Variants in FAM184A observed in about 807,000 individuals in gnomAD.
FAM184A encodes the protein protein FAM184A.
In FAM184A, 99 loss-of-function variants were observed where a neutral mutation model predicts 143.8. The observed-to-expected ratio is 0.69, with a 90% CI of 0.58 to 0.81. FAM184A has a LOEUF of 0.81. Among genes scored for constraint, FAM184A ranks in the 40% least tolerant of loss-of-function variants. The pLI is 0.00. For synonymous variants in FAM184A, 427 were observed against 446.4 expected (o/e 0.96, Z 0.55); for missense variants, 1,217 against 1,310.5 (o/e 0.93, Z 1.10).
chr6:119,032,199 G>A (rs568424820), intron 1 of FAM184A, among the ~76,000 whole-genome samples: 2 of 151,956 alleles, frequency 1.3e-5, no homozygotes, highest in East Asian at 1.9e-4. Context: ...TTGAACCTGA[G>A]AGGCGGAGGT....
rs1248142060 is a variant in FAM184A at position 119,024,037 on chromosome 6, T to C, written c.936A>G (p.Val312=). The C allele has an allele frequency of 1.2e-6, 2 of 1,614,000 alleles. No individual in the cohort carries two copies. Among genetic ancestry groups the C allele is most frequent in the East Asian group, 2.2e-5 (1 of 44,894 alleles). The stretch of plus-strand genomic sequence containing the variant: ...CAAGAAGACTTCCAGCTTCATCCTG[T>C]ACCATCTGTAACTCTGTCTTTAATT... The part of the protein sequence containing the change: ...IGKLKTELQM[V]QDEAGSLLDK... The change falls in exon 2 of 18, where the codon GTA becomes GTG. Residue 312 remains valine (V), a synonymous_variant. Transcript: ENST00000338891.
chr6:119,009,788 T>G (rs545432073), intron 6 of FAM184A, among the ~76,000 whole-genome samples: 1 of 152,348 alleles, frequency 6.6e-6, no homozygotes, highest in African/African-American at 2.4e-5. Flanking sequence ...GTAGGGACCA[T>G]GTCTGACTGA....
rs1336851825 is a variant in FAM184A, at chr6:118,984,155, A to AT, written c.2089-3806_2089-3805insA. On this transcript the variant is annotated intron_variant, in intron 9 of 17. Coordinates refer to ENST00000338891, the MANE Select transcript of FAM184A (RefSeq NM_024581.6). Reference sequence around the variant, plus strand: ...ATGATAACGAAACTCCATTTAAAAAAAAAATATATATATATATATATATTT... The same window carrying AT: ...ATGATAACGAAACTCCATTTAAAAAATAAAATATATATATATATATATATTT... Among the ~76,000 whole-genome samples, 661 of 123,970 alleles carry AT rather than the reference A, an allele frequency of 5.3e-3. 6 individuals carry two copies. The highest frequency in any genetic ancestry group is 8.2e-3 in the Admixed American group (99 of 12,070). The allele number at this position is 123,970 out of a possible 152,430, so 81.3% of individuals were successfully genotyped here. A position where few individuals can be genotyped will look rare whatever the true frequency, so the allele number is the denominator to read the frequency against.
chr6:119,037,028 T>A (rs370047487), intron 1 of FAM184A, among the ~76,000 whole-genome samples: 43 of 152,330 alleles, frequency 2.8e-4, no homozygotes, highest in African/African-American at 1.0e-3. Context: ...CCAATAATCC[T>A]GGACACTGAG....
intron 1 of FAM184A, among the ~76,000 whole-genome samples, chr6:119,034,664 T>C (rs1486018063): frequency 1.3e-5 from 2 of 151,954 alleles, no homozygotes; most frequent in South Asian, 2.1e-4. Flanking sequence ...CTAGAATGCA[T>C]ATATTTTTAT....
intron 5 of FAM184A, among the ~76,000 whole-genome samples, chr6:119,015,609 G>A (rs903215941): frequency 2.0e-5 from 3 of 152,164 alleles, no homozygotes; most frequent in Admixed American, 1.3e-4. Flanking sequence ...GCCTTCCCCC[G>A]CCTCCGTGGG....
chr6:119,128,275 T>A lies in FAM184A; in HGVS notation c.-202+20803A>T, dbSNP rs1385289855. Among the ~76,000 whole-genome samples, 10 of 152,330 alleles carry A rather than the reference T, an allele frequency of 6.6e-5. No homozygotes were observed. In the East Asian group the frequency reaches 1.9e-3, roughly 29 times the overall value. On this transcript the variant is annotated intron_variant, in intron 1 of 16. Coordinates refer to the FAM184A transcript ENST00000352896. ...CCGCAAAACCAAGAAGATGGTGGAC[T>A]AGTCACAAAGACCATCTTAAATTTT...
intron 1 of FAM184A, among the ~76,000 whole-genome samples, chr6:119,143,366 T>C (rs541916422): frequency 5.9e-5 from 9 of 152,310 alleles, no homozygotes; most frequent in African/African-American, 2.2e-4. Context: ...GAAGCCCACA[T>C]TGTCCTGTTC....
rs912083159 is a variant in FAM184A, at chr6:118,966,864, C to T, written c.3004G>A (p.Glu1002Lys). 1.9e-6 allele frequency: 3 copies of T among 1,592,752 alleles called. No individual in the cohort carries two copies. The African/African-American group carries it at 4.0e-5, about 21-fold the overall frequency. Residue 1002 changes from glutamate to lysine, a missense_variant, in exon 15 of 18, where the codon GAA becomes AAA. Coordinates refer to ENST00000338891, the MANE Select transcript of FAM184A (RefSeq NM_024581.6). ...MITELKAMLT[E>K]RDQIIKKLIE... ...AGTTTCTTTATGATCTGGTCTCTTT[C>T]TGTAAGCATGGCTTTTAATTCTGTA... is the stretch of plus-strand genomic sequence containing the variant.
intron 1 of FAM184A, among the ~76,000 whole-genome samples, chr6:119,054,477 C>A (rs1786885451): frequency 6.6e-6 from 1 of 152,122 alleles, no homozygotes; most frequent in Non-Finnish European, 1.5e-5. Context: ...CTCCCTTGGA[C>A]CTCTTTTATA....
intron 1 of FAM184A, among the ~76,000 whole-genome samples, chr6:119,063,666 G>C (rs1787339890): frequency 6.6e-6 from 1 of 152,118 alleles, no homozygotes; most frequent in Admixed American, 6.6e-5. Context: ...TGGCAAGGAT[G>C]AAATTAAACA....
chr6:119,099,710 G>A (rs1788593535), intron 1 of FAM184A, among the ~76,000 whole-genome samples: 1 of 152,128 alleles, frequency 6.6e-6, no homozygotes, highest in South Asian at 2.1e-4. Flanking sequence ...CAAGAGGACA[G>A]GTTATGGGGA....
At position 119,023,939 on chromosome 6, in the gene FAM184A, A is replaced by G. The variant is rs768659521; in HGVS notation, c.1014+20T>C. 1.3e-6 allele frequency: 2 copies of G among 1,534,944 alleles called. No individual in the cohort carries two copies. Among genetic ancestry groups the G allele is most frequent in the South Asian group, 2.7e-5 (2 of 75,392 alleles). On this transcript the variant is annotated intron_variant, in intron 2 of 17. Coordinates refer to ENST00000338891, the MANE Select transcript of FAM184A (RefSeq NM_024581.6). ...AAAAGAAAAAAAATCCATGTGTTGAATATAATATTCTTTACTTACCTGAAC... is the reference window on the plus strand; with the variant it reads ...AAAAGAAAAAAAATCCATGTGTTGAGTATAATATTCTTTACTTACCTGAAC...
At chr6:119,005,796 A>G (rs1784899092) in intron 7 of FAM184A, 3 of 347,994 alleles carry the variant, frequency 8.6e-6, no homozygotes, top group Admixed American at 4.1e-5. Flanking sequence ...TCTACTATCT[A>G]AGACAATCTA....
chr6:118,972,897 G>A (rs1783737832), intron 14 of FAM184A, among the ~76,000 whole-genome samples: 2 of 152,150 alleles, frequency 1.3e-5, no homozygotes, highest in African/African-American at 2.4e-5. Flanking sequence ...AATCATTTCT[G>A]CAAAAGTATG....
intron 17 of FAM184A, 133 bp from the exon 18 acceptor site, chr6:118,960,317 G>C: frequency 1.5e-6 from 1 of 662,376 alleles, no homozygotes; most frequent in Admixed American, 2.8e-5. Flanking sequence ...TTAAAGATTT[G>C]CTACCCCCTC....
chr6:119,081,139 A>G (rs1412477000), upstream of FAM184A, among the ~76,000 whole-genome samples: 2 of 152,204 alleles, frequency 1.3e-5, no homozygotes, highest in African/African-American at 2.4e-5. Flanking sequence ...AACTTACAAC[A>G]TGGAGGAAGG....
intron 1 of FAM184A, among the ~76,000 whole-genome samples, chr6:119,143,040 T>C (rs2114893532): frequency 6.6e-6 from 1 of 152,252 alleles, no homozygotes; most frequent in Non-Finnish European, 1.5e-5. Flanking sequence ...GGGCAGATTC[T>C]CCCTAAGGGC....
intron 1 of FAM184A, among the ~76,000 whole-genome samples, chr6:119,128,249 C>T (rs900004313): frequency 6.6e-6 from 1 of 152,130 alleles, no homozygotes; most frequent in Non-Finnish European, 1.5e-5. Flanking sequence ...CTTTGGAAAG[C>T]CCGCAAAACC....
Sources: allele counts gnomAD v4.1 joint callset (sites outside exome capture counted in the v4.1 genomes callset), GRCh38; gene constraint gnomAD v4.1.1; transcripts MANE v1.5; gene names NCBI Gene and HGNC (gene_info 2026-07-23, HGNC 2026-07-21).